The following ESRRG variants were observed in gnomAD, a reference collection of about 807,000 sequenced individuals.
ESRRG encodes estrogen related receptor gamma, also known as estrogen-related receptor gamma.
A neutral mutation model predicts 44.0 loss-of-function variants in ESRRG; 13 were observed. That is an observed-to-expected ratio of 0.30 (90% confidence interval 0.19 to 0.47). The LOEUF is 0.47. Among genes scored for constraint, ESRRG ranks in the 20% least tolerant of loss-of-function variants. The pLI is 1.00. For missense variants in ESRRG, 395 were observed against 580.6 expected (o/e 0.68, Z 3.29); for synonymous variants, 215 against 214.6 (o/e 1.00, Z -0.02).
intron 1 of ESRRG, chr1:217,078,323 G>A (rs2091484414): frequency 6.6e-6 from 1 of 152,278 alleles, no homozygotes; most frequent in African/African-American, 2.4e-5. Context: ...TAAAAAGGCT[G>A]CTTTAAATGT....
chr1:216,718,461 CA>C (rs1240615243), intron 1 of ESRRG, among the ~76,000 whole-genome samples: 1 of 151,574 alleles, frequency 6.6e-6, no homozygotes. Context: ...ACATGGCTAT[CA>C]AAAAAATCAA....
At chr1:217,133,645 C>CTCTCTCTCTCTCTTTCTTTCTTTCTT (rs1266397788) in intron 1 of ESRRG, among the ~76,000 whole-genome samples, 213 of 91,576 alleles carry the variant, frequency 2.3e-3, no homozygotes, top group Non-Finnish European at 3.4e-3. Flanking sequence ...CTCTCTCTCT[C>CTCTCTCTCTCTCTTTCTTTCTTTCTT]TCTTTCTTTC....
At chr1:217,104,796 T>C (rs1354638595) in intron 1 of ESRRG, among the ~76,000 whole-genome samples, 1 of 152,220 alleles carries the variant, frequency 6.6e-6, no homozygotes, top group East Asian at 1.9e-4. Context: ...CCATTCATAA[T>C]AGATTTTGTA....
At chr1:216,740,622 C>G (rs561638964) in intron 2 of ESRRG, among the ~76,000 whole-genome samples, 1 of 149,504 alleles carries the variant, frequency 6.7e-6, no homozygotes, top group East Asian at 2.0e-4. Context: ...AAGGAACGTG[C>G]TTAACATTAA....
At chr1:216,812,930 G>T (rs568062532) in intron 2 of ESRRG, among the ~76,000 whole-genome samples, 4 of 152,272 alleles carry the variant, frequency 2.6e-5, no homozygotes, top group East Asian at 1.9e-4. Flanking sequence ...GACAGAAGGG[G>T]TTCCATATAC....
intron 1 of ESRRG, among the ~76,000 whole-genome samples, chr1:217,003,164 A>C (rs1048495859): frequency 2.0e-5 from 3 of 152,146 alleles, no homozygotes; most frequent in Non-Finnish European, 4.4e-5. Flanking sequence ...TGCAAAAAAA[A>C]ATCTTTCATT....
intron 5 of ESRRG, among the ~76,000 whole-genome samples, chr1:216,529,521 G>A (rs1027444933): frequency 6.6e-5 from 10 of 151,932 alleles, no homozygotes; most frequent in Non-Finnish European, 1.3e-4. Context: ...GTCATTTGTC[G>A]GGCTTCAAAA....
At chr1:216,566,071 G>A (rs1331836897) in intron 4 of ESRRG, among the ~76,000 whole-genome samples, 6 of 151,920 alleles carry the variant, frequency 3.9e-5, no homozygotes, top group Non-Finnish European at 7.4e-5. Context: ...TTTGGTTGAA[G>A]CTTAGAAATT....
At chr1:216,909,005 C>T (rs2060009095) in intron 2 of ESRRG, among the ~76,000 whole-genome samples, 1 of 152,004 alleles carries the variant, frequency 6.6e-6, no homozygotes, top group South Asian at 2.1e-4. Context: ...TGCTACTGGT[C>T]ATTTCAGGCC....
At chr1:216,862,853 G>A (rs912493508) in intron 2 of ESRRG, 6 of 152,128 alleles carry the variant, frequency 3.9e-5, no homozygotes, top group African/African-American at 1.4e-4. Flanking sequence ...GGATGTATAT[G>A]TACGTCAAAA....
chr1:216,812,686 C>T (rs1364524795), intron 2 of ESRRG, among the ~76,000 whole-genome samples: 2 of 152,122 alleles, frequency 1.3e-5, no homozygotes, highest in East Asian at 3.9e-4. Flanking sequence ...CCAGCTCTTG[C>T]TCATCTTTTT....
At chr1:216,849,192 T>A (rs2095804604) in intron 2 of ESRRG, among the ~76,000 whole-genome samples, 3 of 152,162 alleles carry the variant, frequency 2.0e-5, no homozygotes, top group Non-Finnish European at 2.9e-5. Flanking sequence ...TCACTTCAGG[T>A]CTGAAAAGGA....
chr1:217,080,637 G>C (rs867256821), intron 1 of ESRRG, among the ~76,000 whole-genome samples: 8 of 129,406 alleles, frequency 6.2e-5, no homozygotes, highest in Non-Finnish European at 1.2e-4. Flanking sequence ...GTGTTTTTTT[G>C]TTTGTTTGTT....
intron 2 of ESRRG, among the ~76,000 whole-genome samples, chr1:216,928,688 T>C (rs1241900784): frequency 6.6e-6 from 1 of 152,170 alleles, no homozygotes; most frequent in Non-Finnish European, 1.5e-5. Context: ...AACAATGGTC[T>C]CCTATGGAAA....
intron 2 of ESRRG, among the ~76,000 whole-genome samples, chr1:216,811,526 T>C (rs1339356): frequency 0.25 from 38,563 of 152,126 alleles, 5,195 homozygotes; most frequent in East Asian, 0.42. Context: ...GCATATTCAT[T>C]ATGAAGAAGA....
chr1:216,923,696 C>T (rs1415397580), intron 2 of ESRRG, among the ~76,000 whole-genome samples: 1 of 152,216 alleles, frequency 6.6e-6, no homozygotes, highest in Admixed American at 6.5e-5. Context: ...ACATTCCATG[C>T]ATCCGCTTTC....
At chr1:216,966,852 G>A (rs1038204597) in intron 1 of ESRRG, among the ~76,000 whole-genome samples, 1 of 152,008 alleles carries the variant, frequency 6.6e-6, no homozygotes, top group Non-Finnish European at 1.5e-5. Flanking sequence ...GAGGGTGGCT[G>A]CTTTTTTAAG....
intron 2 of ESRRG, among the ~76,000 whole-genome samples, chr1:216,843,662 T>C (rs1043960939): frequency 6.6e-6 from 1 of 152,112 alleles, no homozygotes; most frequent in Non-Finnish European, 1.5e-5. Context: ...CCTAACAGAT[T>C]GTGGGGCTGT....
chr1:216,565,508 C>T (rs368075229), intron 4 of ESRRG, among the ~76,000 whole-genome samples: 2 of 152,022 alleles, frequency 1.3e-5, no homozygotes, highest in East Asian at 1.9e-4. Context: ...CTTTTTTAAC[C>T]CAATATAAAA....
Sources: allele counts gnomAD v4.1 joint callset (sites outside exome capture counted in the v4.1 genomes callset), GRCh38; gene constraint gnomAD v4.1.1; transcripts MANE v1.5; gene names NCBI Gene and HGNC (gene_info 2026-07-23, HGNC 2026-07-21).